Variants in OOSP3 observed in about 807,000 individuals in gnomAD.
OOSP3 encodes oocyte-secreted protein 3.
intron 2 of OOSP3, among the ~76,000 whole-genome samples, chr11:59,884,677 T>C (rs1853236584): frequency 6.6e-6 from 1 of 152,130 alleles, no homozygotes; most frequent in African/African-American, 2.4e-5. Flanking sequence ...TTTATTTTTT[T>C]ATTTTTAGTA....
chr11:59,882,683 G>A (rs1181099656), intron 2 of OOSP3, among the ~76,000 whole-genome samples: 2 of 152,178 alleles, frequency 1.3e-5, no homozygotes, highest in Non-Finnish European at 2.9e-5. Context: ...GTACAATACA[G>A]TGGTTTTTAG....
At chr11:59,893,825 C>G (rs1853333042) in intron 2 of OOSP3, among the ~76,000 whole-genome samples, 2 of 152,194 alleles carry the variant, frequency 1.3e-5, no homozygotes, top group African/African-American at 4.8e-5. Context: ...TGTTCCTAGT[C>G]TGGCAATTCA....
At chr11:59,881,542 A>G (rs901128614) in intron 2 of OOSP3, among the ~76,000 whole-genome samples, 4 of 152,212 alleles carry the variant, frequency 2.6e-5, no homozygotes, top group African/African-American at 9.7e-5. Flanking sequence ...AGCAACATAC[A>G]GACTATTCAA....
intron 2 of OOSP3, among the ~76,000 whole-genome samples, chr11:59,888,164 T>C (rs1565219622): frequency 6.6e-6 from 1 of 152,218 alleles, no homozygotes. Flanking sequence ...ATCCTGAGGT[T>C]TTCCTGAAGT....
At chr11:59,895,249 C>T (rs887396366) in intron 3 of OOSP3, among the ~76,000 whole-genome samples, 5 of 147,306 alleles carry the variant, frequency 3.4e-5, no homozygotes, top group Non-Finnish European at 5.9e-5. Context: ...TCAGAGCTGA[C>T]GTTTTCTGTT....
At chr11:59,886,138 T>C (rs1565219261) in intron 2 of OOSP3, among the ~76,000 whole-genome samples, 1 of 152,230 alleles carries the variant, frequency 6.6e-6, no homozygotes, top group Non-Finnish European at 1.5e-5. Context: ...AGTGAGAACA[T>C]GCAGTGTTTG....
Position 59,881,991 on chromosome 11 carries a change from T to C in OOSP3, c.252+1552T>C, listed in dbSNP as rs77801772. Among the ~76,000 whole-genome samples, 987 of 152,386 alleles carry C rather than the reference T, an allele frequency of 6.5e-3. 13 individuals are homozygous for C. The highest frequency in any genetic ancestry group is 0.022 in the African/African-American group (923 of 41,592). On this transcript the variant is annotated intron_variant, in intron 2 of 4. Coordinates refer to ENST00000646438, the Ensembl canonical transcript of OOSP3. ...CAAACAATTCTGATTTCCTTCAATATGCTGTTTCACATCTACAAAACTTAC... is the reference window on the plus strand; with the variant it reads ...CAAACAATTCTGATTTCCTTCAATACGCTGTTTCACATCTACAAAACTTAC...
chr11:59,880,344 G>A (rs1330039828), exon 2 of OOSP3: 1 of 398,412 alleles, frequency 2.5e-6, no homozygotes, highest in Non-Finnish European at 4.4e-6. Flanking sequence ...GCATTCTGAT[G>A]AAGCATCTCT....
At chr11:59,879,488 TA>T (rs1853181317) in intron 1 of OOSP3, among the ~76,000 whole-genome samples, 1 of 152,142 alleles carries the variant, frequency 6.6e-6, no homozygotes, top group South Asian at 2.1e-4. Flanking sequence ...ACATATAAAA[TA>T]CATATAATTT....
At chr11:59,894,943 A>G (rs1384423719) in intron 3 of OOSP3, among the ~76,000 whole-genome samples, 1 of 152,194 alleles carries the variant, frequency 6.6e-6, no homozygotes, top group African/African-American at 2.4e-5. Context: ...GTTGTTCTCT[A>G]TTCTACATAA....
intron 2 of OOSP3, among the ~76,000 whole-genome samples, chr11:59,881,033 T>A (rs1256132205): frequency 6.6e-6 from 1 of 152,302 alleles, no homozygotes; most frequent in East Asian, 1.9e-4. Context: ...CTTTCTCATA[T>A]GCTCCTTGTC....
intron 2 of OOSP3, among the ~76,000 whole-genome samples, chr11:59,886,048 C>G (rs930877414): frequency 2.0e-5 from 3 of 152,242 alleles, no homozygotes; most frequent in African/African-American, 2.4e-5. Context: ...TCTACTCCCC[C>G]ACCCTCCCCT....
At chr11:59,884,656 G>A (rs1853236434) in intron 2 of OOSP3, among the ~76,000 whole-genome samples, 2 of 151,864 alleles carry the variant, frequency 1.3e-5, no homozygotes, top group South Asian at 2.1e-4. Flanking sequence ...GTGTGCCACC[G>A]TGTCCAGCTA....
At chr11:59,890,220 C>T (rs969898458) in intron 2 of OOSP3, among the ~76,000 whole-genome samples, 7 of 152,082 alleles carry the variant, frequency 4.6e-5, no homozygotes, top group Non-Finnish European at 1.0e-4. Context: ...TGAATCTTGT[C>T]TTTTTATCCA....
intron 2 of OOSP3, among the ~76,000 whole-genome samples, chr11:59,885,580 C>A (rs1853247585): frequency 6.6e-6 from 1 of 152,168 alleles, no homozygotes; most frequent in African/African-American, 2.4e-5. Context: ...ATTTGATTTT[C>A]TGTTCCTGCA....
chr11:59,889,776 G>A (rs1219435899), intron 2 of OOSP3, among the ~76,000 whole-genome samples: 1 of 152,010 alleles, frequency 6.6e-6, no homozygotes, highest in Non-Finnish European at 1.5e-5. Context: ...TTGTTTTGGG[G>A]TGTAGAGTTC....
At chr11:59,879,026 C>T (rs557333451) in intron 1 of OOSP3, 145 bp downstream of exon 1, 46 of 396,164 alleles carry the variant, frequency 1.2e-4, no homozygotes, top group Non-Finnish European at 1.6e-4. Flanking sequence ...CTTGTTTGCT[C>T]TCTACCACCC....
At chr11:59,890,243 G>A (rs1853298683) in intron 2 of OOSP3, among the ~76,000 whole-genome samples, 1 of 152,104 alleles carries the variant, frequency 6.6e-6, no homozygotes, top group African/African-American at 2.4e-5. Context: ...TTGCCATTCT[G>A]TGTCTTTTAA....
At chr11:59,895,219 C>T (rs1047346645) in intron 3 of OOSP3, among the ~76,000 whole-genome samples, 1 of 150,038 alleles carries the variant, frequency 6.7e-6, no homozygotes, top group African/African-American at 2.5e-5. Context: ...GAGATTGTCT[C>T]GGGAATTTTA....
Sources: gnomAD v4.1 joint callset for allele counts (sites outside exome capture counted in the v4.1 genomes callset) on GRCh38, gnomAD v4.1.1 for gene constraint, MANE v1.5 for transcripts, NCBI Gene and HGNC (gene_info 2026-07-23, HGNC 2026-07-21) for gene names.